The following LEPR variants were observed in gnomAD, a reference collection of about 807,000 sequenced individuals.
The protein encoded by LEPR is leptin receptor.
A neutral mutation model predicts 114.7 loss-of-function variants in LEPR; 56 were observed. The ratio of observed to expected loss-of-function variants is 0.49; its 90% confidence interval spans 0.39 to 0.61. The LOEUF (loss-of-function observed/expected upper bound fraction) is 0.61. LEPR is among the 20% of genes least tolerant of loss of function. The pLI is 0.00. For synonymous variants in LEPR, 443 were observed against 461.4 expected (o/e 0.96, Z 0.51); for missense variants, 1,202 against 1,352.9 (o/e 0.89, Z 1.75).
At chr1:65,608,934 T>G in intron 12 of LEPR, 33 bp downstream of exon 12, 1 of 1,612,186 alleles carries the variant, frequency 6.2e-7, no homozygotes, top group Non-Finnish European at 8.5e-7. Context: ...GCTTTCCTCA[T>G]TAAATGCTAT....
chr1:65,440,884 GC>G (rs1646641002), intron 2 of LEPR, among the ~76,000 whole-genome samples: 1 of 152,152 alleles, frequency 6.6e-6, no homozygotes, highest in Non-Finnish European at 1.5e-5. Context: ...AAACAATTTT[GC>G]TTTTCCAAAT....
At position 65,516,443 on chromosome 1, in the gene LEPR, C is replaced by CA. The variant is rs11334603; in HGVS notation, c.-20-49094dup. ...TGGGCGAAAGAGCGAGACTCCGTCT[C>CA]AAAAAAAAACAAACCAAACCAAACC... On this transcript the variant is annotated intron_variant, in intron 2 of 19. Transcript: ENST00000349533. Among the ~76,000 whole-genome samples, 29 of 151,314 alleles carry CA rather than the reference C, an allele frequency of 1.9e-4. No homozygotes were observed. In the East Asian group the frequency reaches 4.3e-3, roughly 22 times the overall value.
At chr1:65,487,057 C>T (rs999721228) in intron 2 of LEPR, among the ~76,000 whole-genome samples, 2 of 152,144 alleles carry the variant, frequency 1.3e-5, no homozygotes, top group South Asian at 4.1e-4. Flanking sequence ...TCATATTCTG[C>T]ACACAGATAA....
intron 2 of LEPR, among the ~76,000 whole-genome samples, chr1:65,481,713 CATCATT>C (rs1647245516): frequency 6.6e-6 from 1 of 151,344 alleles, no homozygotes; most frequent in Non-Finnish European, 1.5e-5. Context: ...GGAATTAATA[CATCATT>C]ATCAAGTTCA....
intron 5 of LEPR, among the ~76,000 whole-genome samples, chr1:65,588,099 T>C (rs1570759314): frequency 1.3e-5 from 2 of 151,918 alleles, no homozygotes; most frequent in Admixed American, 1.3e-4. Flanking sequence ...GTGAGATGGG[T>C]AGACAGAGAC....
At chr1:65,538,311 C>T (rs1015309211) in intron 2 of LEPR, among the ~76,000 whole-genome samples, 1 of 151,824 alleles carries the variant, frequency 6.6e-6, no homozygotes, top group African/African-American at 2.4e-5. Context: ...TGTCAGGTTG[C>T]CTTCCATCTC....
At chr1:65,604,636 T>G (rs1460362630) in intron 10 of LEPR, among the ~76,000 whole-genome samples, 1 of 152,174 alleles carries the variant, frequency 6.6e-6, no homozygotes, top group Non-Finnish European at 1.5e-5. Flanking sequence ...TCTTTTAAAC[T>G]TGGGGTCCCC....
chr1:65,592,002 A>ATTTGTCTTCAATT (rs1553168979), intron 5 of LEPR, among the ~76,000 whole-genome samples: 4 of 151,856 alleles, frequency 2.6e-5, no homozygotes, highest in Admixed American at 1.3e-4. Context: ...CATTTATAAT[A>ATTTGTCTTCAATT]TTTGTCTTCA....
At chr1:65,449,104 G>T (rs1359458064) in intron 2 of LEPR, among the ~76,000 whole-genome samples, 2 of 152,168 alleles carry the variant, frequency 1.3e-5, no homozygotes, top group Non-Finnish European at 2.9e-5. Context: ...ATATTGGTCA[G>T]GCTGGTCTCG....
intron 14 of LEPR, 35 bp from the exon 15 acceptor site, chr1:65,615,973 G>A (rs770648504): frequency 2.5e-6 from 4 of 1,612,460 alleles, no homozygotes; most frequent in Non-Finnish European, 3.4e-6. Context: ...AAGCACTGCA[G>A]CCCTTAAACT....
chr1:65,615,116 G>A (rs1305432065), intron 14 of LEPR, among the ~76,000 whole-genome samples: 1 of 152,092 alleles, frequency 6.6e-6, no homozygotes, highest in African/African-American at 2.4e-5. Flanking sequence ...AACCTATCCA[G>A]ATGATTCCAA....
intron 19 of LEPR, among the ~76,000 whole-genome samples, chr1:65,632,394 G>A (rs1246179433): frequency 6.6e-6 from 1 of 152,116 alleles, no homozygotes; most frequent in African/African-American, 2.4e-5. Context: ...TAGCCCTCAG[G>A]TTATGAGGAA....
At chr1:65,446,713 G>A (rs1646718682) in intron 2 of LEPR, among the ~76,000 whole-genome samples, 1 of 152,100 alleles carries the variant, frequency 6.6e-6, no homozygotes. Flanking sequence ...TTTATCCAGT[G>A]CATGGCTGGT....
intron 2 of LEPR, among the ~76,000 whole-genome samples, chr1:65,458,909 A>C (rs1646910898): frequency 6.6e-6 from 1 of 151,966 alleles, no homozygotes; most frequent in Admixed American, 6.6e-5. Context: ...GCAATTTGGC[A>C]GTTTCTATTA....
At chr1:65,472,431 CA>C (rs1647096354) in intron 2 of LEPR, among the ~76,000 whole-genome samples, 1 of 143,466 alleles carries the variant, frequency 7.0e-6, no homozygotes, top group African/African-American at 2.8e-5. Context: ...CACACACACA[CA>C]CACACACACA....
intron 2 of LEPR, among the ~76,000 whole-genome samples, chr1:65,488,900 C>T (rs573589731): frequency 3.9e-5 from 6 of 152,030 alleles, no homozygotes; most frequent in African/African-American, 9.7e-5. Flanking sequence ...CTTATTTCAC[C>T]GAATATAATG....
chr1:65,555,173 AC>A (rs1446325132), intron 2 of LEPR, among the ~76,000 whole-genome samples: 10 of 151,868 alleles, frequency 6.6e-5, no homozygotes, highest in African/African-American at 1.9e-4. Context: ...CTTGCCAGCC[AC>A]CCCCGCCTGT....
At chr1:65,426,671 T>C (rs1646378241) in intron 2 of LEPR, among the ~76,000 whole-genome samples, 1 of 152,124 alleles carries the variant, frequency 6.6e-6, no homozygotes, top group African/African-American at 2.4e-5. Flanking sequence ...CTTAGATGTC[T>C]CCCAGGTGAT....
chr1:65,489,552 C>T (rs1647756561), intron 2 of LEPR, among the ~76,000 whole-genome samples: 1 of 152,006 alleles, frequency 6.6e-6, no homozygotes, highest in South Asian at 2.1e-4. Context: ...CAAATATTTT[C>T]TCCCATTCTG....
Sources: allele counts gnomAD v4.1 joint callset (sites outside exome capture counted in the v4.1 genomes callset), GRCh38; gene constraint gnomAD v4.1.1; transcripts MANE v1.5; gene names NCBI Gene and HGNC (gene_info 2026-07-23, HGNC 2026-07-21).